The following MYO1D variants were observed in gnomAD, a reference collection of about 807,000 sequenced individuals.
MYO1D encodes unconventional myosin-Id.
MYO1D carries 83 observed loss-of-function variants against 122.0 expected under a neutral mutation model. The ratio of observed to expected loss-of-function variants is 0.68; its 90% CI spans 0.57 to 0.82. The LOEUF (loss-of-function observed/expected upper bound fraction) is 0.82. MYO1D is among the 40% of genes least tolerant of loss of function. MYO1D has a pLI of 0.00. For synonymous variants in MYO1D, 464 were observed against 446.9 expected, an observed-to-expected ratio of 1.04 and a Z score of -0.48; for missense variants, 1,157 against 1,269.5, an observed-to-expected ratio of 0.91 and a Z score of 1.35.
At chr17:32,857,584 CAAAAAAAAA>C (rs563112277) in intron 1 of MYO1D, among the ~76,000 whole-genome samples, 1 of 107,836 alleles carries the variant, frequency 9.3e-6, no homozygotes, top group African/African-American at 3.4e-5. Flanking sequence ...GACTCCACCT[CAAAAAAAAA>C]AAAAAAAAAT....
intron 13 of MYO1D, among the ~76,000 whole-genome samples, chr17:32,742,604 A>G (rs557239075): frequency 2.0e-5 from 3 of 152,360 alleles, no homozygotes; most frequent in Admixed American, 2.0e-4. Context: ...CATTTTCTGC[A>G]CAGAGAAATG....
chr17:32,809,431 C>CTTTTTTTTTTT (rs57040549), intron 1 of MYO1D, among the ~76,000 whole-genome samples: 7 of 135,944 alleles, frequency 5.1e-5, no homozygotes, highest in Non-Finnish European at 4.7e-5. Flanking sequence ...TGGCCTAGGC[C>CTTTTTTTTTTT]TTTTTTTTTT....
intron 21 of MYO1D, among the ~76,000 whole-genome samples, chr17:32,564,412 C>A (rs1383035509): frequency 6.6e-6 from 1 of 152,198 alleles, no homozygotes; most frequent in Admixed American, 6.5e-5. Flanking sequence ...CCTTTCTAAG[C>A]CGACACCCTC....
At chr17:32,515,808 A>T (rs57888373) in intron 21 of MYO1D, among the ~76,000 whole-genome samples, 5,592 of 152,254 alleles carry the variant, frequency 0.037, 334 homozygotes, top group African/African-American at 0.13. Context: ...CTATCTCATA[A>T]ACCAAGCCCA....
intron 16 of MYO1D, among the ~76,000 whole-genome samples, chr17:32,704,117 TTA>T (rs937370001): frequency 2.5e-4 from 38 of 152,318 alleles, no homozygotes; most frequent in African/African-American, 9.1e-4. Flanking sequence ...TTTTGAAAAC[TTA>T]TATAGTTTCT....
intron 20 of MYO1D, among the ~76,000 whole-genome samples, chr17:32,626,257 T>A (rs771335534): frequency 2.0e-5 from 3 of 152,252 alleles, no homozygotes; most frequent in Non-Finnish European, 4.4e-5. Flanking sequence ...TAAAGACAGC[T>A]GTCTAAAGGA....
chr17:32,667,596 T>G (rs1033961376), intron 16 of MYO1D, among the ~76,000 whole-genome samples: 3 of 152,132 alleles, frequency 2.0e-5, no homozygotes, highest in Non-Finnish European at 4.4e-5. Context: ...ACACAAAAAG[T>G]ACATGTGAGT....
At chr17:32,834,243 C>A (rs558973178) in intron 1 of MYO1D, among the ~76,000 whole-genome samples, 2 of 152,178 alleles carry the variant, frequency 1.3e-5, no homozygotes, top group Non-Finnish European at 2.9e-5. Flanking sequence ...ATTAGTAGAA[C>A]ACTTTGGGAG....
chr17:32,588,716 G>A (rs746938289), intron 21 of MYO1D, among the ~76,000 whole-genome samples: 1 of 152,056 alleles, frequency 6.6e-6, no homozygotes, highest in Non-Finnish European at 1.5e-5. Flanking sequence ...TTGGGAGGCC[G>A]ACACAGGTGG....
chr17:32,555,109 T>C (rs225184), intron 21 of MYO1D, among the ~76,000 whole-genome samples: 29,484 of 152,060 alleles, frequency 0.19, 3,159 homozygotes, highest in East Asian at 0.29. Flanking sequence ...CAGCACTGTT[T>C]GTAAGGCTGA....
chr17:32,571,882 T>C (rs1348119919), intron 21 of MYO1D, among the ~76,000 whole-genome samples: 3 of 152,222 alleles, frequency 2.0e-5, no homozygotes, highest in Admixed American at 2.0e-4. Context: ...GGTTCTTTTG[T>C]GCTTGCTTTA....
At chr17:32,640,571 T>C (rs2453000) in intron 19 of MYO1D, among the ~76,000 whole-genome samples, 97,695 of 137,000 alleles carry the variant, frequency 0.71, 34,787 homozygotes, top group African/African-American at 0.8. Flanking sequence ...TGAGAATATG[T>C]GGTGTTTGGT....
At chr17:32,733,941 T>C (rs1318839286) in intron 14 of MYO1D, among the ~76,000 whole-genome samples, 1 of 152,216 alleles carries the variant, frequency 6.6e-6, no homozygotes, top group African/African-American at 2.4e-5. Flanking sequence ...TCTTTACATC[T>C]GTGTTTCTAA....
At chr17:32,609,368 G>C (rs1406344581) in intron 20 of MYO1D, among the ~76,000 whole-genome samples, 1 of 152,238 alleles carries the variant, frequency 6.6e-6, no homozygotes, top group African/African-American at 2.4e-5. Context: ...GTGCCACACG[G>C]CCTGTGGTAG....
intron 21 of MYO1D, chr17:32,495,764 C>T (rs537886710): frequency 4.6e-5 from 7 of 152,464 alleles, no homozygotes; most frequent in Non-Finnish European, 1.0e-4. Flanking sequence ...CACGCTGTAC[C>T]TCAGCTTGTG....
intron 19 of MYO1D, among the ~76,000 whole-genome samples, chr17:32,648,208 C>T (rs1016655045): frequency 6.6e-6 from 1 of 151,712 alleles, no homozygotes; most frequent in African/African-American, 2.4e-5. Flanking sequence ...AGTAAGACTG[C>T]CTCAAAAAAA....
rs2090129162 is a variant in MYO1D, at chr17:32,772,774, T to C, written c.618+15A>G. On this transcript the variant is annotated intron_variant, in intron 5 of 21. Transcript: ENST00000318217. ...CTGGGCAAATGATCAATTATCTGTA[T>C]AATGGATTACTAACCTGATAGAAAG... 1 of 1,593,176 alleles carries C rather than the reference T, an allele frequency of 6.3e-7. No homozygotes were observed. Among genetic ancestry groups the C allele is most frequent in the African/African-American group, 1.3e-5 (1 of 74,538 alleles).
At chr17:32,822,310 T>C (rs2090673116) in intron 1 of MYO1D, among the ~76,000 whole-genome samples, 1 of 134,260 alleles carries the variant, frequency 7.4e-6, no homozygotes, top group African/African-American at 2.9e-5. Context: ...CACTCATAGG[T>C]GGGAATTGAA....
chr17:32,778,940 A>G (rs963108959), intron 2 of MYO1D, among the ~76,000 whole-genome samples: 1 of 152,232 alleles, frequency 6.6e-6, no homozygotes, highest in Non-Finnish European at 1.5e-5. Flanking sequence ...CAGTGGTTAC[A>G]ACTAAATTCA....
Sources: allele counts gnomAD v4.1 joint callset (sites outside exome capture counted in the v4.1 genomes callset), GRCh38; gene constraint gnomAD v4.1.1; transcripts MANE v1.5; gene names NCBI Gene and HGNC (gene_info 2026-07-23, HGNC 2026-07-21).